IFT56: variants seen among roughly 807,000 people sequenced by gnomAD.
IFT56 encodes the protein intraflagellar transport protein 56.
chr7:139,136,034 C>T, the IFT56 span, among the ~76,000 whole-genome samples: 3 of 152,156 alleles, frequency 2.0e-5, no homozygotes, highest in Non-Finnish European at 4.4e-5. Context: ...AGCAATTCTC[C>T]TGCCTCAGCC....
the IFT56 span, chr7:139,137,931 G>C: frequency 1.2e-6 from 2 of 1,609,316 alleles, no homozygotes; most frequent in Non-Finnish European, 1.7e-6. Context: ...CTACAAGAGA[G>C]CTCTGGAGGT....
chr7:139,148,829 G>T, the IFT56 span, among the ~76,000 whole-genome samples: 1 of 151,720 alleles, frequency 6.6e-6, no homozygotes, highest in African/African-American at 2.4e-5. Flanking sequence ...TTCGGGGGGC[G>T]GGTGGAGGTT....
At chr7:139,134,695 A>G in the IFT56 span, 1 of 1,614,124 alleles carries the variant, frequency 6.2e-7, no homozygotes, top group Non-Finnish European at 8.5e-7. Context: ...AGAGGCGTAC[A>G]GCACACTGAC....
the IFT56 span, among the ~76,000 whole-genome samples, chr7:139,177,597 A>T: frequency 2.2e-4 from 32 of 144,742 alleles, no homozygotes; most frequent in African/African-American, 8.8e-4. Context: ...CTGATCGGAT[A>T]TACATATATA....
chr7:139,179,535 C>G, the IFT56 span: 1 of 1,568,498 alleles, frequency 6.4e-7, no homozygotes, highest in Non-Finnish European at 8.8e-7. Flanking sequence ...ATTGCAAAAG[C>G]ATCCTCATGT....
At chr7:139,147,421 T>A in the IFT56 span, 1 of 794,936 alleles carries the variant, frequency 1.3e-6, no homozygotes, top group Non-Finnish European at 1.9e-6. Context: ...GATAATTTGG[T>A]GAGATTAAGA....
chr7:139,157,146 T>TC, the IFT56 span, among the ~76,000 whole-genome samples: 2 of 102,792 alleles, frequency 1.9e-5, no homozygotes, highest in Non-Finnish European at 3.4e-5. Context: ...TTTCTTTTTT[T>TC]TTTTTTTTTT....
chr7:139,169,254 C>T, the IFT56 span: 3 of 1,566,440 alleles, frequency 1.9e-6, no homozygotes, highest in South Asian at 1.1e-5. Flanking sequence ...ATATTTTTAC[C>T]TTATTCCTCT....
chr7:139,174,915 G>A, the IFT56 span, among the ~76,000 whole-genome samples: 1 of 152,068 alleles, frequency 6.6e-6, no homozygotes, highest in South Asian at 2.1e-4. Context: ...CAGCTACTCA[G>A]GAGACTGAGG....
chr7:139,182,359 C>T, the IFT56 span, among the ~76,000 whole-genome samples: 56 of 152,072 alleles, frequency 3.7e-4, no homozygotes, highest in Middle Eastern at 6.8e-3. Flanking sequence ...TACTTTAAGA[C>T]ATAGGAAACT....
chr7:139,182,513 C>A, the IFT56 span, among the ~76,000 whole-genome samples: 1 of 152,114 alleles, frequency 6.6e-6, no homozygotes, highest in Non-Finnish European at 1.5e-5. Context: ...AGGCTCCCAG[C>A]AGAGATAACA....
the IFT56 span, among the ~76,000 whole-genome samples, chr7:139,181,847 A>T: frequency 6.6e-6 from 1 of 152,236 alleles, no homozygotes; most frequent in Non-Finnish European, 1.5e-5. Flanking sequence ...TTATGATCTT[A>T]TGGAACCACA....
At chr7:139,137,802 C>G in the IFT56 span, 4 of 1,504,254 alleles carry the variant, frequency 2.7e-6, no homozygotes, top group South Asian at 1.1e-5. Context: ...AGAGAGTTTA[C>G]TATTCAAAAT....
the IFT56 span, among the ~76,000 whole-genome samples, chr7:139,184,738 G>A: frequency 3.3e-5 from 5 of 152,088 alleles, no homozygotes; most frequent in South Asian, 2.1e-4. Flanking sequence ...GTGAGACATC[G>A]TCTCTATAAA....
the IFT56 span, among the ~76,000 whole-genome samples, chr7:139,158,096 T>C: frequency 1.3e-5 from 2 of 151,908 alleles, no homozygotes; most frequent in African/African-American, 4.8e-5. Flanking sequence ...GGCAGATCAC[T>C]TGAGGTCAGG....
the IFT56 span, chr7:139,190,112 A>G: frequency 1.3e-5 from 2 of 152,248 alleles, no homozygotes; most frequent in Non-Finnish European, 2.9e-5. Flanking sequence ...AAGGTATTCA[A>G]GAAACAATGT....
At chr7:139,167,736 C>G in the IFT56 span, among the ~76,000 whole-genome samples, 1 of 151,890 alleles carries the variant, frequency 6.6e-6, no homozygotes, top group Non-Finnish European at 1.5e-5. Context: ...GTCCAGAGTT[C>G]GAGACCAGCC....
chr7:139,135,076 C>G, the IFT56 span, among the ~76,000 whole-genome samples: 1 of 152,216 alleles, frequency 6.6e-6, no homozygotes, highest in South Asian at 2.1e-4. Flanking sequence ...GTCAAGAGAT[C>G]GAGACCATCC....
the IFT56 span, among the ~76,000 whole-genome samples, chr7:139,135,315 T>C: frequency 6.6e-6 from 1 of 151,238 alleles, no homozygotes; most frequent in Admixed American, 6.6e-5. Context: ...AAAACTTATT[T>C]CTTGAGGGCC....
Sources: allele counts gnomAD v4.1 joint callset (sites outside exome capture counted in the v4.1 genomes callset), GRCh38; gene constraint gnomAD v4.1.1; transcripts MANE v1.5; gene names NCBI Gene and HGNC (gene_info 2026-07-23, HGNC 2026-07-21).